The following PRSS3 variants were observed in gnomAD, a reference collection of about 807,000 sequenced individuals.
PRSS3 encodes serine protease 3, also known as trypsin-3.
PRSS3 carries 14 observed loss-of-function variants against 20.8 expected under a neutral mutation model. That is an observed-to-expected ratio of 0.67 (90% CI 0.44 to 1.05). The LOEUF (loss-of-function observed/expected upper bound fraction) is 1.05, where lower values mean the gene tolerates loss of function less well. PRSS3 is among the 50% of genes least tolerant of loss of function. PRSS3 has a pLI of 0.00. For missense variants in PRSS3, 237 were observed against 306.4 expected, an observed-to-expected ratio of 0.77 and a Z score of 1.69; for synonymous variants, 91 against 117.6, an observed-to-expected ratio of 0.77 and a Z score of 1.46.
Position 33,750,908 on chromosome 9 carries a change from G to A in PRSS3, c.-53+181G>A, listed in dbSNP as rs1300573436. The A allele has an allele frequency of 7.5e-7, 1 of 1,327,736 alleles. No individual in the cohort carries two copies. The highest frequency in any genetic ancestry group is 9.6e-7 in the Non-Finnish European group (1 of 1,038,278). 82.2% of individuals were successfully genotyped at this position (1,327,736 alleles called of 1,614,324 possible). Reference sequence around the variant, plus strand: ...GAGGGGCTCAGGGACAGGGATGGAGGCTCCTCTAGGGGAGGACGGGAGGGG... The same window carrying A: ...GAGGGGCTCAGGGACAGGGATGGAGACTCCTCTAGGGGAGGACGGGAGGGG... On this transcript the variant is annotated intron_variant, in intron 1 of 5. Coordinates refer to the PRSS3 transcript ENST00000342836. The surrounding 1 kb of genome is among the most constrained non-coding windows in gnomAD (Gnocchi z 4.8).
intron 1 of PRSS3, among the ~76,000 whole-genome samples, chr9:33,751,162 G>A (rs1362817705): frequency 6.6e-6 from 1 of 152,178 alleles, no homozygotes; most frequent in Non-Finnish European, 1.5e-5. Context: ...GCGCGCCCCC[G>A]TGGATGCCAC....
At chr9:33,751,788 C>T (rs1822709803) in intron 1 of PRSS3, among the ~76,000 whole-genome samples, 3 of 152,088 alleles carry the variant, frequency 2.0e-5, no homozygotes, top group Admixed American at 6.6e-5. Flanking sequence ...TTCAGTATAA[C>T]CTGGGTGTTG....
chr9:33,778,330 CTT>C (rs1046892157), intron 1 of PRSS3, among the ~76,000 whole-genome samples: 2 of 152,130 alleles, frequency 1.3e-5, no homozygotes, highest in African/African-American at 4.8e-5. Context: ...AATGTTCACT[CTT>C]AACCACTTCT....
chr9:33,791,197 C>T (rs1001374930), upstream of PRSS3, among the ~76,000 whole-genome samples: 2 of 152,204 alleles, frequency 1.3e-5, no homozygotes, highest in African/African-American at 4.8e-5. Flanking sequence ...CTGCCTTACC[C>T]AAGACTGGGA....
At chr9:33,782,291 C>T (rs545539964) in intron 1 of PRSS3, among the ~76,000 whole-genome samples, 1 of 152,310 alleles carries the variant, frequency 6.6e-6, no homozygotes, top group Admixed American at 6.5e-5. Flanking sequence ...TGGCTTTAGA[C>T]TCTTGCTTAC....
At chr9:33,798,267 GA>G in intron 3 of PRSS3, 185 bp downstream of exon 3, 1 of 1,238,840 alleles carries the variant, frequency 8.1e-7, no homozygotes, top group South Asian at 1.5e-5. Context: ...CTAAAATCAA[GA>G]GATAGGACAA....
chr9:33,793,563 C>T (rs1180906372), upstream of PRSS3: 1 of 531,294 alleles, frequency 1.9e-6, no homozygotes, highest in Non-Finnish European at 2.4e-6. Flanking sequence ...TGAATTCAAT[C>T]ATCTATTTCT....
At chr9:33,753,238 C>T (rs1045878053) in intron 1 of PRSS3, among the ~76,000 whole-genome samples, 1 of 152,028 alleles carries the variant, frequency 6.6e-6, no homozygotes, top group Non-Finnish European at 1.5e-5. Context: ...AATTTAGAAA[C>T]TCTCATTTGG....
At chr9:33,751,203 C>T (rs905547000) in intron 1 of PRSS3, among the ~76,000 whole-genome samples, 1 of 152,216 alleles carries the variant, frequency 6.6e-6, no homozygotes, top group African/African-American at 2.4e-5. Context: ...AGTCACAGCT[C>T]ACATAGCTCT....
At chr9:33,784,198 T>C (rs1481884445) in intron 1 of PRSS3, among the ~76,000 whole-genome samples, 1 of 152,194 alleles carries the variant, frequency 6.6e-6, no homozygotes, top group Admixed American at 6.5e-5. Context: ...TTTTTGTTTT[T>C]TGTTTTTTTC....
intron 1 of PRSS3, among the ~76,000 whole-genome samples, chr9:33,758,297 A>G (rs1183113806): frequency 6.6e-6 from 1 of 152,238 alleles, no homozygotes; most frequent in Non-Finnish European, 1.5e-5. Context: ...AACCTAACTC[A>G]GACCCATGAT....
At position 33,776,896 on chromosome 9, in the gene PRSS3, G is replaced by A. The variant is rs143592076; in HGVS notation, c.-52-17850G>A. On this transcript the variant is annotated intron_variant, in intron 1 of 5. Transcript: ENST00000342836. ...AGGAGATATAAATATTAAAAAGCATGGATAAAAACAATATTTTTTAAAAAG... is the reference window on the plus strand; with the variant it reads ...AGGAGATATAAATATTAAAAAGCATAGATAAAAACAATATTTTTTAAAAAG... 4.7e-3 allele frequency among the ~76,000 whole-genome samples: 715 copies of A among 151,986 alleles called. 5 individuals are homozygous for A. The highest frequency in any genetic ancestry group is 0.017 in the African/African-American group (692 of 41,466).
intron 1 of PRSS3, chr9:33,786,809 T>C: frequency 1.3e-6 from 1 of 760,284 alleles, no homozygotes; most frequent in Non-Finnish European, 2.4e-6. Context: ...CAGCAGCATA[T>C]ACCTCTGCAG....
At chr9:33,764,242 A>G (rs1823325553) in intron 1 of PRSS3, among the ~76,000 whole-genome samples, 1 of 152,232 alleles carries the variant, frequency 6.6e-6, no homozygotes, top group Non-Finnish European at 1.5e-5. Flanking sequence ...AAGTTAAGTC[A>G]AAATAGATCA....
In PRSS3 at chr9:33,786,399, C is replaced by T. The variant is rs1363427113; in HGVS notation, c.-52-8347C>T. 2.9e-5 allele frequency: 19 copies of T among 662,494 alleles called. No homozygotes were observed. The East Asian group carries it at 4.0e-4, about 14-fold the overall frequency. The allele number at this position is 662,494 out of a possible 1,614,324, so 41.0% of individuals were successfully genotyped here. A position where few individuals can be genotyped will look rare whatever the true frequency, so the allele number is the denominator to read the frequency against. The stretch of plus-strand genomic sequence containing the variant: ...TAAAGGACCATAACAGAGTAATTGT[C>T]GGCACAATAAAAAGGAGGCAGTGCC... On this transcript the variant is annotated intron_variant, in intron 1 of 5. Coordinates refer to the PRSS3 transcript ENST00000342836.
intron 1 of PRSS3, among the ~76,000 whole-genome samples, chr9:33,760,890 GA>G (rs34134926): frequency 0.22 from 32,965 of 151,884 alleles, 3,681 homozygotes; most frequent in Middle Eastern, 0.24. Context: ...TGAGAAAATA[GA>G]ATTTAGTCCA....
At chr9:33,762,729 C>G (rs1823257332) in intron 1 of PRSS3, among the ~76,000 whole-genome samples, 1 of 152,212 alleles carries the variant, frequency 6.6e-6, no homozygotes. Flanking sequence ...ACTGCCCTCT[C>G]TAGGATTATC....
intron 1 of PRSS3, 132 bp from the exon 2 acceptor site, chr9:33,796,511 C>G: frequency 2.2e-6 from 3 of 1,344,060 alleles, no homozygotes; most frequent in Non-Finnish European, 3.1e-6. Context: ...CCAGGGGTGG[C>G]AGCGCTCCCT....
chr9:33,776,971 A>G (rs1384177333), intron 1 of PRSS3, among the ~76,000 whole-genome samples: 3 of 152,192 alleles, frequency 2.0e-5, no homozygotes, highest in African/African-American at 7.2e-5. Flanking sequence ...CAGAAAAATA[A>G]TCTGTAGAAA....
Sources: gnomAD v4.1 joint callset for allele counts (sites outside exome capture counted in the v4.1 genomes callset) on GRCh38, gnomAD v4.1.1 for gene constraint, Gnocchi (gnomAD v3.1) non-coding constraint, MANE v1.5 for transcripts, NCBI Gene and HGNC (gene_info 2026-07-23, HGNC 2026-07-21) for gene names.